CLVS1: variants seen among roughly 807,000 people sequenced by gnomAD.
CLVS1 encodes the protein clavesin 1, also known as clavesin-1.
Under a neutral mutation model 33.1 loss-of-function variants are expected in CLVS1, and 10 were observed. The ratio of observed to expected loss-of-function variants is 0.30; its 90% CI spans 0.19 to 0.51. The LOEUF is 0.51. Among genes scored for constraint, CLVS1 ranks in the 20% least tolerant of loss-of-function variants. CLVS1 has a pLI of 0.97. For synonymous variants in CLVS1, 163 were observed against 166.1 expected (o/e 0.98, Z 0.14); for missense variants, 343 against 433.4 (o/e 0.79, Z 1.85).
intron 2 of CLVS1, among the ~76,000 whole-genome samples, chr8:61,201,950 T>A (rs1807741332): frequency 6.6e-6 from 1 of 152,190 alleles, no homozygotes; most frequent in Non-Finnish European, 1.5e-5. Flanking sequence ...TCCACCCTAC[T>A]GCTGTGTCTG....
intron 2 of CLVS1, among the ~76,000 whole-genome samples, chr8:61,337,143 C>T (rs114396886): frequency 3.5e-4 from 53 of 152,270 alleles, no homozygotes; most frequent in African/African-American, 1.3e-3. Context: ...CAAGCTCCTA[C>T]TCTCTGTCTA....
At chr8:61,183,296 A>C (rs1807278196) in intron 2 of CLVS1, among the ~76,000 whole-genome samples, 1 of 152,230 alleles carries the variant, frequency 6.6e-6, no homozygotes, top group Admixed American at 6.5e-5. Flanking sequence ...CATGTGCTGC[A>C]CATGTATCCC....
At chr8:61,159,396 C>T (rs1806711369) in intron 2 of CLVS1, among the ~76,000 whole-genome samples, 1 of 152,232 alleles carries the variant, frequency 6.6e-6, no homozygotes, top group Non-Finnish European at 1.5e-5. Flanking sequence ...CAAAGGCATG[C>T]TCAAGAAGAT....
At chr8:61,429,419 TAAAAAAAAAAAA>T (rs57688988) in intron 3 of CLVS1, among the ~76,000 whole-genome samples, 2 of 73,236 alleles carry the variant, frequency 2.7e-5, no homozygotes, top group Non-Finnish European at 4.9e-5. Context: ...GACTCTGTCT[TAAAAAAAAAAAA>T]AAAAAAAAAA....
chr8:61,109,555 T>C (rs546972904), intron 1 of CLVS1, among the ~76,000 whole-genome samples: 3 of 152,332 alleles, frequency 2.0e-5, no homozygotes, highest in East Asian at 3.9e-4. Context: ...AATTATTTGT[T>C]GGTCATCTGA....
chr8:61,447,707 C>T (rs542983315), intron 3 of CLVS1, among the ~76,000 whole-genome samples: 1 of 152,094 alleles, frequency 6.6e-6, no homozygotes, highest in Admixed American at 6.5e-5. Context: ...TCCTCCCCTA[C>T]ATACATCTTT....
At chr8:61,265,797 C>A (rs2581543) in intron 2 of CLVS1, among the ~76,000 whole-genome samples, 1 of 152,180 alleles carries the variant, frequency 6.6e-6, no homozygotes, top group Non-Finnish European at 1.5e-5. Context: ...CCACTCAGGT[C>A]CTGCCTTCTT....
chr8:61,420,308 A>G (rs1815604981), intron 3 of CLVS1, among the ~76,000 whole-genome samples: 1 of 152,232 alleles, frequency 6.6e-6, no homozygotes, highest in African/African-American at 2.4e-5. Context: ...GCCTTTAAAA[A>G]AACATTGTTG....
At chr8:61,114,091 T>C (rs1346063444) in intron 1 of CLVS1, among the ~76,000 whole-genome samples, 3 of 152,274 alleles carry the variant, frequency 2.0e-5, no homozygotes, top group Non-Finnish European at 4.4e-5. Context: ...ATGGCTGTGT[T>C]CTAGTAAAAC....
At chr8:61,374,796 T>G (rs773848170) in intron 2 of CLVS1, among the ~76,000 whole-genome samples, 8 of 152,136 alleles carry the variant, frequency 5.3e-5, no homozygotes, top group South Asian at 2.1e-4. Flanking sequence ...CATGCTTAGA[T>G]AGTTGAAAGT....
chr8:61,258,075 C>A (rs1390573957), intron 2 of CLVS1, among the ~76,000 whole-genome samples: 2 of 152,152 alleles, frequency 1.3e-5, no homozygotes, highest in East Asian at 1.9e-4. Flanking sequence ...CCTAATAGGG[C>A]AGACCCAGCC....
At chr8:61,029,685 G>A in the CLVS1 span, among the ~76,000 whole-genome samples, 1 of 151,994 alleles carries the variant, frequency 6.6e-6, no homozygotes, top group African/African-American at 2.4e-5. Context: ...TGTCATGGTG[G>A]TTTGCTGCAC....
intron 2 of CLVS1, among the ~76,000 whole-genome samples, chr8:61,135,854 G>A (rs1166687839): frequency 6.6e-6 from 1 of 152,196 alleles, no homozygotes; most frequent in African/African-American, 2.4e-5. Flanking sequence ...TCGCCTTGGT[G>A]ACTACCATAT....
At chr8:61,289,579 T>C (rs543264279) in intron 1 of CLVS1, among the ~76,000 whole-genome samples, 2 of 152,314 alleles carry the variant, frequency 1.3e-5, no homozygotes, top group African/African-American at 2.4e-5. Flanking sequence ...AAAAACGAGA[T>C]TATTTAAATG....
At chr8:61,197,861 C>G (rs1206315890) in intron 2 of CLVS1, among the ~76,000 whole-genome samples, 1 of 152,134 alleles carries the variant, frequency 6.6e-6, no homozygotes, top group Non-Finnish European at 1.5e-5. Flanking sequence ...AGGGCAGCAC[C>G]GAGTTCAATG....
intron 1 of CLVS1, among the ~76,000 whole-genome samples, chr8:61,087,487 C>T (rs1805148355): frequency 6.6e-6 from 1 of 152,136 alleles, no homozygotes; most frequent in African/African-American, 2.4e-5. Context: ...TGCTCCAACT[C>T]AGAGGAGGAT....
intron 1 of CLVS1, among the ~76,000 whole-genome samples, chr8:61,090,488 G>A (rs749789148): frequency 4.1e-4 from 62 of 151,958 alleles, no homozygotes; most frequent in Non-Finnish European, 6.2e-4. Context: ...GCAGAAAACA[G>A]GCTTACAAAA....
intron 2 of CLVS1, among the ~76,000 whole-genome samples, chr8:61,269,528 A>G (rs1169089896): frequency 1.3e-5 from 2 of 151,768 alleles, no homozygotes; most frequent in Non-Finnish European, 2.9e-5. Context: ...ATGAACTTTA[A>G]AGTAGTTTTT....
intron 2 of CLVS1, among the ~76,000 whole-genome samples, chr8:61,255,877 C>A (rs1229429097): frequency 6.6e-6 from 1 of 152,146 alleles, no homozygotes; most frequent in Non-Finnish European, 1.5e-5. Context: ...ATGCGTAATT[C>A]AACTTTCCTT....
Sources: allele counts gnomAD v4.1 joint callset (sites outside exome capture counted in the v4.1 genomes callset), GRCh38; gene constraint gnomAD v4.1.1; transcripts MANE v1.5; gene names NCBI Gene and HGNC (gene_info 2026-07-23, HGNC 2026-07-21).